CSMD1: variants seen among roughly 807,000 people sequenced by gnomAD.
The protein encoded by CSMD1 is CUB and sushi domain-containing protein 1.
In CSMD1, 213 loss-of-function variants were observed where a neutral mutation model predicts 417.5. The observed-to-expected ratio is 0.51, with a 90% CI of 0.46 to 0.57. CSMD1 has a LOEUF of 0.57. Among genes scored for constraint, CSMD1 ranks in the 20% least tolerant of loss-of-function variants. The pLI is 0.00. For missense variants in CSMD1, 6,923 were observed against 4,529.7 expected (o/e 1.53, Z -15.17); for synonymous variants, 2,862 against 1,736.8 (o/e 1.65, Z -16.11).
intron 3 of CSMD1, among the ~76,000 whole-genome samples, chr8:4,360,754 A>G (rs1405948985): frequency 6.6e-6 from 1 of 152,124 alleles, no homozygotes; most frequent in Non-Finnish European, 1.5e-5. Flanking sequence ...TCGGCCTCCA[A>G]AAGTGCTGGG....
At chr8:4,441,268 T>G (rs1469827372) in intron 2 of CSMD1, among the ~76,000 whole-genome samples, 1 of 138,982 alleles carries the variant, frequency 7.2e-6, no homozygotes, top group Non-Finnish European at 1.6e-5. Context: ...CAGTTTTTTT[T>G]TTTTTTTTTT....
chr8:4,792,639 A>C lies in CSMD1; in HGVS notation c.86-155081T>G, dbSNP rs140306357. Among the ~76,000 whole-genome samples the C allele has an allele frequency of 5.0e-3, 761 of 152,228 alleles. 5 individuals carry two copies. Among genetic ancestry groups the C allele is most frequent in the African/African-American group, 0.017 (702 of 41,534 alleles). On this transcript the variant is annotated intron_variant, in intron 1 of 69. Transcript: ENST00000635120. Reference sequence around the variant, plus strand: ...GCCCTCTTTTAGACTACTGTTTTCTAATCTTTTGTAATTATATGGGACACT... The same window carrying C: ...GCCCTCTTTTAGACTACTGTTTTCTCATCTTTTGTAATTATATGGGACACT...
At chr8:3,776,166 T>C (rs763904064) in intron 5 of CSMD1, among the ~76,000 whole-genome samples, 1 of 152,078 alleles carries the variant, frequency 6.6e-6, no homozygotes, top group East Asian at 1.9e-4. Flanking sequence ...ATACGGATCC[T>C]ACCTTCAGAA....
intron 3 of CSMD1, among the ~76,000 whole-genome samples, chr8:4,069,002 C>A (rs1290164934): frequency 6.6e-6 from 1 of 152,148 alleles, no homozygotes; most frequent in African/African-American, 2.4e-5. Context: ...GGAAAGATAA[C>A]CCAGTAGTTG....
chr8:3,833,388 C>T (rs116062202), intron 5 of CSMD1, among the ~76,000 whole-genome samples: 8,364 of 152,122 alleles, frequency 0.055, 702 homozygotes, highest in African/African-American at 0.17. Flanking sequence ...AAATAATTTA[C>T]TGCATTCAAC....
At chr8:4,497,648 G>C (rs191659075) in intron 2 of CSMD1, among the ~76,000 whole-genome samples, 2 of 152,110 alleles carry the variant, frequency 1.3e-5, no homozygotes, top group African/African-American at 2.4e-5. Context: ...GGGAACTCGT[G>C]CCCCAGTGAG....
intron 2 of CSMD1, among the ~76,000 whole-genome samples, chr8:4,514,980 G>A (rs1249816955): frequency 1.3e-5 from 2 of 152,156 alleles, no homozygotes; most frequent in East Asian, 3.9e-4. Flanking sequence ...AGCCTCAGTG[G>A]AAATGATTTA....
At chr8:3,704,808 C>G (rs539794599) in intron 7 of CSMD1, 4 of 152,270 alleles carry the variant, frequency 2.6e-5, no homozygotes, top group Non-Finnish European at 5.9e-5. Flanking sequence ...CATTCCTTGT[C>G]ATGATCTCTC....
chr8:3,941,137 A>T (rs996181808), intron 5 of CSMD1, among the ~76,000 whole-genome samples: 1 of 152,128 alleles, frequency 6.6e-6, no homozygotes. Flanking sequence ...GTATACAGTT[A>T]AGAAGAAATA....
chr8:4,205,775 A>T (rs1000475664), intron 3 of CSMD1, among the ~76,000 whole-genome samples: 1 of 152,068 alleles, frequency 6.6e-6, no homozygotes, highest in Non-Finnish European at 1.5e-5. Flanking sequence ...CCATAGAAGA[A>T]ATAGATGCCT....
chr8:3,076,024 C>T (rs1014433158), intron 49 of CSMD1, among the ~76,000 whole-genome samples: 5 of 150,804 alleles, frequency 3.3e-5, no homozygotes, highest in African/African-American at 1.2e-4. Flanking sequence ...GCACTCTAGC[C>T]TGGGCGACAG....
intron 54 of CSMD1, among the ~76,000 whole-genome samples, chr8:2,984,346 T>G (rs953035189): frequency 1.3e-5 from 2 of 151,974 alleles, no homozygotes; most frequent in Non-Finnish European, 2.9e-5. Context: ...GGCTATTTAT[T>G]TACTTTTTCT....
intron 1 of CSMD1, among the ~76,000 whole-genome samples, chr8:4,953,980 G>A (rs775885520): frequency 6.6e-6 from 1 of 152,086 alleles, no homozygotes; most frequent in Non-Finnish European, 1.5e-5. Flanking sequence ...ATACTACCGA[G>A]ATTACCAGAA....
intron 3 of CSMD1, among the ~76,000 whole-genome samples, chr8:4,150,913 C>T (rs988699695): frequency 8.3e-6 from 1 of 121,090 alleles, no homozygotes; most frequent in Non-Finnish European, 1.8e-5. Flanking sequence ...TGTTTTGTTC[C>T]CTCTCCTGTG....
chr8:3,149,138 T>C (rs1442418419), intron 40 of CSMD1, among the ~76,000 whole-genome samples: 1 of 152,206 alleles, frequency 6.6e-6, no homozygotes, highest in East Asian at 1.9e-4. Flanking sequence ...AATATGAATT[T>C]AGACAATTTG....
chr8:4,562,024 A>G (rs549585796), intron 2 of CSMD1, among the ~76,000 whole-genome samples: 39 of 152,322 alleles, frequency 2.6e-4, no homozygotes, highest in Non-Finnish European at 5.4e-4. Context: ...ATAAATAGAA[A>G]AGGAAGGCCG....
chr8:3,393,821 A>G, intron 17 of CSMD1, among the ~76,000 whole-genome samples: 1 of 150,940 alleles, frequency 6.6e-6, no homozygotes, highest in East Asian at 2.0e-4. Flanking sequence ...GGGGAACATC[A>G]CACTCTGGGG....
intron 6 of CSMD1, among the ~76,000 whole-genome samples, chr8:3,721,088 G>A (rs1417643499): frequency 6.6e-6 from 1 of 152,122 alleles, no homozygotes; most frequent in Non-Finnish European, 1.5e-5. Context: ...CTCCCAAAGT[G>A]CTGGGATTAC....
intron 10 of CSMD1, among the ~76,000 whole-genome samples, chr8:3,538,496 GCGATGCCTC>G (rs1798299770): frequency 3.3e-5 from 5 of 152,142 alleles, no homozygotes; most frequent in African/African-American, 1.2e-4. Context: ...TGCCTCACCT[GCGATGCCTC>G]ACCTGAGATG....
Sources: allele counts gnomAD v4.1 joint callset (sites outside exome capture counted in the v4.1 genomes callset), GRCh38; gene constraint gnomAD v4.1.1; transcripts MANE v1.5; gene names NCBI Gene and HGNC (gene_info 2026-07-23, HGNC 2026-07-21).